NLRP13: variants seen among roughly 807,000 people sequenced by gnomAD.
NLRP13 encodes the protein NLR family pyrin domain containing 13, also known as NACHT, LRR and PYD domains-containing protein 13.
A neutral mutation model predicts 94.4 loss-of-function variants in NLRP13; 82 were observed. That is an observed-to-expected ratio of 0.87 (90% CI 0.73 to 1.04). NLRP13 has a LOEUF of 1.04. NLRP13 is among the 50% of genes least tolerant of loss of function. NLRP13 has a pLI of 0.00. For synonymous variants in NLRP13, 553 were observed against 464.7 expected, an observed-to-expected ratio of 1.19 and a Z score of -2.45; for missense variants, 1,426 against 1,230.8, an observed-to-expected ratio of 1.16 and a Z score of -2.37.
In NLRP13 at chr19:55,918,863, T is replaced by C. The variant is rs142627775; in HGVS notation, c.523+5051A>G. ...AGATGTTGGAGAGGAGGGAGTGCTC[T>C]CTAATTCCTTTTATTAAGCCAGTAT... is the stretch of plus-strand genomic sequence containing the variant. On this transcript the variant is annotated intron_variant, in intron 4 of 10. Transcript: ENST00000342929. Among the ~76,000 whole-genome samples, 166 of 152,104 alleles carry C rather than the reference T, an allele frequency of 1.1e-3. 1 individual carries two copies. Among genetic ancestry groups the C allele is most frequent in the East Asian group, 8.5e-3 (44 of 5,180 alleles).
At chr19:55,920,193 G>A (rs1240098007) in intron 4 of NLRP13, among the ~76,000 whole-genome samples, 4 of 152,170 alleles carry the variant, frequency 2.6e-5, no homozygotes, top group Non-Finnish European at 5.9e-5. Context: ...ATGGAATAGA[G>A]ATTTAAATGT....
chr19:55,924,888 G>C (rs1986930156), intron 2 of NLRP13, 79 bp downstream of exon 2: 1 of 1,215,594 alleles, frequency 8.2e-7, no homozygotes, highest in Admixed American at 1.8e-5. Context: ...AAATTTCAGA[G>C]TAGGCAGCGG....
intron 10 of NLRP13, among the ~76,000 whole-genome samples, chr19:55,898,294 C>T (rs781543585): frequency 2.0e-5 from 3 of 150,794 alleles, no homozygotes; most frequent in Non-Finnish European, 4.4e-5. Context: ...ACTGCAACCT[C>T]TACCTCCCGG....
chr19:55,919,650 C>A (rs1015774392), intron 4 of NLRP13, among the ~76,000 whole-genome samples: 1 of 151,450 alleles, frequency 6.6e-6, no homozygotes, highest in Admixed American at 6.6e-5. Context: ...TATATTCAAC[C>A]AAAGAGGTGA....
At chr19:55,914,438 G>A (rs776146810) in intron 4 of NLRP13, among the ~76,000 whole-genome samples, 3 of 152,170 alleles carry the variant, frequency 2.0e-5, no homozygotes, top group African/African-American at 4.8e-5. Flanking sequence ...GTGTAGGAAA[G>A]GAGGTAGAGA....
chr19:55,896,131 TG>T lies in NLRP13; in HGVS notation c.2958-13del. On this transcript the variant is annotated splice_polypyrimidine_tract_variant and intron_variant, in intron 10 of 10. Transcript: ENST00000342929. ...TGCATTTCGCCAACCTAGGGGCGGG[TG>T]GGAAGAAAGCACAACAGATAGTCCT... The T allele has an allele frequency of 1.2e-6, 2 of 1,613,090 alleles. No individual in the cohort carries two copies. Among genetic ancestry groups the T allele is most frequent in the African/African-American group, 2.7e-5 (2 of 74,850 alleles).
chr19:55,913,771 G>A (rs867449902), intron 4 of NLRP13, among the ~76,000 whole-genome samples: 6 of 151,824 alleles, frequency 4.0e-5, no homozygotes, highest in African/African-American at 1.2e-4. Context: ...TTTCAGGCGG[G>A]GGGAAGGCCA....
intron 1 of NLRP13, among the ~76,000 whole-genome samples, chr19:55,931,195 G>A (rs1048509342): frequency 1.2e-4 from 19 of 152,010 alleles, no homozygotes; most frequent in Non-Finnish European, 1.6e-4. Flanking sequence ...CTGAGGAAGC[G>A]GGTAGATGTT....
At position 55,904,937 on chromosome 19, in the gene NLRP13, C is replaced by T. The variant is rs1242961656; in HGVS notation, c.2618+5G>A. ...TATCTAGAAATGGAAGTAGGGAAAA[C>T]TTACTCCAGTCTCTCTAAGGCACAC... On this transcript the variant is annotated splice_donor_5th_base_variant and intron_variant, in intron 8 of 10. Transcript: ENST00000342929. 3 of 1,609,294 alleles carry T rather than the reference C, an allele frequency of 1.9e-6. No homozygotes were observed. The highest frequency in any genetic ancestry group is 2.7e-5 in the African/African-American group (2 of 74,748).
At chr19:55,922,300 GT>G (rs750879609) in intron 4 of NLRP13, among the ~76,000 whole-genome samples, 62 of 148,460 alleles carry the variant, frequency 4.2e-4, no homozygotes, top group African/African-American at 8.6e-4. Context: ...TCTCAAAGAG[GT>G]TTTTTTTTTA....
At chr19:55,901,690 G>A (rs567712588) in intron 9 of NLRP13, among the ~76,000 whole-genome samples, 1 of 152,290 alleles carries the variant, frequency 6.6e-6, no homozygotes, top group South Asian at 2.1e-4. Context: ...GGGAGCTTAT[G>A]TCTGGTTTCC....
In NLRP13 at chr19:55,932,105, G is replaced by C; in HGVS notation, c.207C>G (p.Ser69=). The change falls in exon 1 of 11, where the codon TCC becomes TCG. Residue 69 remains serine (S), a synonymous_variant. Transcript: ENST00000342929. Reference sequence around the variant, plus strand: ...TTGGGAAGTGTTCATCCAAAAGAAAGGACAGATTCAAAGGGTCGGCAGCTC... The same window carrying C: ...TTGGGAAGTGTTCATCCAAAAGAAACGACAGATTCAAAGGGTCGGCAGCTC... The part of the protein sequence containing the change: ...NLRAADPLNL[S]FLLDEHFPKG... 1.9e-6 allele frequency: 3 copies of C among 1,614,176 alleles called. No individual in the cohort carries two copies. The highest frequency in any genetic ancestry group is 2.5e-6 in the Non-Finnish European group (3 of 1,180,040).
Position 55,901,236 on chromosome 19 carries a change from G to A in NLRP13, c.2789+799C>T, listed in dbSNP as rs551473090. On this transcript the variant is annotated intron_variant, in intron 9 of 10. Transcript: ENST00000342929. ...ACAGAGGAGTGCTTCTCTTTGGCCCGTCGCCACGAGAGCACATAGAACAAA... is the reference window on the plus strand; with the variant it reads ...ACAGAGGAGTGCTTCTCTTTGGCCCATCGCCACGAGAGCACATAGAACAAA... 2.6e-5 allele frequency among the ~76,000 whole-genome samples: 4 copies of A among 152,356 alleles called. 1 individual carries two copies. Among genetic ancestry groups the A allele is most frequent in the South Asian group, 4.1e-4 (2 of 4,830 alleles).
intron 7 of NLRP13, among the ~76,000 whole-genome samples, chr19:55,907,266 G>A (rs113364801): frequency 0.02 from 3,029 of 151,768 alleles, 89 homozygotes; most frequent in African/African-American, 0.069. Flanking sequence ...CCTGGAATCT[G>A]TATTTTAAAA....
chr19:55,918,968 C>A (rs753457538), intron 4 of NLRP13, among the ~76,000 whole-genome samples: 26 of 152,162 alleles, frequency 1.7e-4, no homozygotes, highest in Non-Finnish European at 2.6e-4. Context: ...GTGCAAAAAT[C>A]TTCAACAAAA....
downstream of NLRP13, among the ~76,000 whole-genome samples, chr19:55,893,806 G>A (rs549472026): frequency 1.3e-5 from 2 of 152,310 alleles, no homozygotes; most frequent in South Asian, 4.1e-4. Flanking sequence ...CCAGTCAGAA[G>A]CCCCTTCTGC....
chr19:55,912,297 C>A lies in NLRP13; in HGVS notation c.1520G>T (p.Gly507Val), dbSNP rs998571557. 1.2e-6 allele frequency: 2 copies of A among 1,613,948 alleles called. No homozygotes were observed. Among genetic ancestry groups the A allele is most frequent in the African/African-American group, 1.3e-5 (1 of 74,922 alleles). Residue 507 changes from glycine (G) to valine (V), a missense_variant, in exon 5 of 11, where the codon GGC becomes GTC. By Grantham distance (109) the Gly-to-Val change is moderately radical. Transcript: ENST00000342929. ...AGAATCAATGAAAGGCACTTCCAGG[C>A]CCTCGATCTCAGTGTCTTCTTTGTT... is the stretch of plus-strand genomic sequence containing the variant. ...TFNKEDTEIE[G>V]LEVPFIDSLY...
Position 55,913,017 on chromosome 19 carries a change from T to G in NLRP13, c.800A>C (p.Tyr267Ser). The G allele has an allele frequency of 1.9e-6, 3 of 1,614,144 alleles. No homozygotes were observed. Among genetic ancestry groups the G allele is most frequent in the Non-Finnish European group, 2.5e-6 (3 of 1,180,004 alleles). Residue 267 changes from tyrosine (Y) to serine (S), a missense_variant, in exon 5 of 11, where the codon TAT becomes TCT. Transcript: ENST00000342929. ...GTACCTTATTTTATGGCAGCTGAGA[T>G]AGAAAACATAGGAGAACCTTTGCTG... is the stretch of plus-strand genomic sequence containing the variant. The part of the protein sequence containing the change: ...LFQQRFSYVF[Y>S]LSCHKIRYMK...
At chr19:55,905,329 G>A (rs1051585077) in intron 7 of NLRP13, among the ~76,000 whole-genome samples, 3 of 151,552 alleles carry the variant, frequency 2.0e-5, no homozygotes, top group African/African-American at 4.9e-5. Context: ...ATCACCTGAG[G>A]TCAAGAGTTC....
Sources: gnomAD v4.1 joint callset for allele counts (sites outside exome capture counted in the v4.1 genomes callset) on GRCh38, gnomAD v4.1.1 for gene constraint, MANE v1.5 for transcripts, NCBI Gene and HGNC (gene_info 2026-07-23, HGNC 2026-07-21) for gene names.